NAA16: variants seen among roughly 807,000 people sequenced by gnomAD.
NAA16 encodes the protein NARG1-like protein.
Under a neutral mutation model 110.3 loss-of-function variants are expected in NAA16, and 97 were observed. The ratio of observed to expected loss-of-function variants is 0.88; its 90% CI spans 0.75 to 1.04. The LOEUF (loss-of-function observed/expected upper bound fraction) is 1.04. NAA16 is among the 50% of genes least tolerant of loss of function. NAA16 has a pLI of 0.00. For synonymous variants in NAA16, 372 were observed against 330.6 expected, an observed-to-expected ratio of 1.13 and a Z score of -1.36; for missense variants, 1,017 against 1,005.1, an observed-to-expected ratio of 1.01 and a Z score of -0.16.
rs1366740160 is a variant in NAA16 at position 41,367,637 on chromosome 13, C to G, written c.1738C>G (p.Gln580Glu). 2 of 1,603,778 alleles carry G rather than the reference C, an allele frequency of 1.2e-6. No individual in the cohort carries two copies. Among genetic ancestry groups the G allele is most frequent in the Admixed American group, 1.7e-5 (1 of 59,044 alleles). ...DNPLTNESKQ[Q>E]EINSENLSAK... ...TCCCTTAACCAATGAAAGCAAACAA[C>G]AAGAAATAAACTCAGGTAACTGAAT... The change falls in exon 14 of 20, where the codon CAA (glutamine) becomes GAA (glutamate). Residue 580 changes from glutamine (Q) to glutamate (E), a missense_variant. Gln to Glu is a conservative substitution (Grantham distance 29). Coordinates refer to ENST00000379406, the MANE Select transcript of NAA16 (RefSeq NM_024561.5).
chr13:41,321,896 A>C (rs2041956849), intron 4 of NAA16, among the ~76,000 whole-genome samples: 1 of 152,188 alleles, frequency 6.6e-6, no homozygotes, highest in Non-Finnish European at 1.5e-5. Context: ...AGATTTTTGC[A>C]GCCACTTTAA....
At position 41,355,229 on chromosome 13, in the gene NAA16, T is replaced by G. The variant is rs781521502; in HGVS notation, c.1087+13T>G. ...TTTAGCCCATATGGTAAGTTTAAAT[T>G]AGATTGAATTGGAATTTGATTACTC... is the stretch of plus-strand genomic sequence containing the variant. On this transcript the variant is annotated intron_variant, in intron 10 of 19. Transcript: ENST00000379406. The G allele has an allele frequency of 1.4e-6, 2 of 1,475,142 alleles. No individual in the cohort carries two copies. The highest frequency in any genetic ancestry group is 4.1e-5 in the Admixed American group (2 of 49,366). 91.4% of individuals were successfully genotyped at this position (1,475,142 alleles called of 1,614,324 possible).
chr13:41,361,854 A>C (rs2139501968), intron 12 of NAA16, among the ~76,000 whole-genome samples, 177 bp from the exon 13 acceptor site: 1 of 152,368 alleles, frequency 6.6e-6, no homozygotes, highest in Middle Eastern at 3.4e-3. Flanking sequence ...ATGGAAGGTG[A>C]AACCTTGGAT....
intron 4 of NAA16, among the ~76,000 whole-genome samples, chr13:41,321,751 A>G (rs1293252379): frequency 9.2e-6 from 1 of 108,456 alleles, no homozygotes; most frequent in Non-Finnish European, 1.8e-5. Context: ...TAGAATCAGT[A>G]TGTCCAACAT....
Position 41,375,707 on chromosome 13 carries a change from G to A in NAA16, c.*105G>A. The A allele has an allele frequency of 2.3e-6, 2 of 864,838 alleles. No homozygotes were observed. Among genetic ancestry groups the A allele is most frequent in the Non-Finnish European group, 3.4e-6 (2 of 580,992 alleles). 53.6% of individuals were successfully genotyped at this position (864,838 alleles called of 1,614,324 possible). A position where few individuals can be genotyped will look rare whatever the true frequency, so the allele number is the denominator to read the frequency against. ...ACGTATGAAATGAAATATTTGGTTA[G>A]GATTTTTAAATGGCATATTCTGTAA... On this transcript the variant is annotated 3_prime_UTR_variant, in exon 20 of 20. Coordinates refer to ENST00000379406, the MANE Select transcript of NAA16 (RefSeq NM_024561.5).
intron 4 of NAA16, among the ~76,000 whole-genome samples, chr13:41,322,521 C>T (rs1423418324): frequency 6.6e-6 from 1 of 151,882 alleles, no homozygotes; most frequent in South Asian, 2.1e-4. Context: ...CCCAGGGTAA[C>T]GCCAAGAGTT....
intron 1 of NAA16, among the ~76,000 whole-genome samples, chr13:41,313,954 T>G (rs2041736834): frequency 6.6e-6 from 1 of 151,992 alleles, no homozygotes; most frequent in African/African-American, 2.4e-5. Flanking sequence ...CCTCCCAGAT[T>G]CAAGCGATTC....
At chr13:41,363,409 G>C (rs7991525) in intron 13 of NAA16, among the ~76,000 whole-genome samples, 11,334 of 152,178 alleles carry the variant, frequency 0.074, 1,400 homozygotes, top group African/African-American at 0.26. Context: ...CAAATTTTCT[G>C]TTTAAATGAA....
intron 10 of NAA16, among the ~76,000 whole-genome samples, chr13:41,355,637 C>T (rs1031304869): frequency 6.6e-6 from 1 of 152,088 alleles, no homozygotes; most frequent in East Asian, 1.9e-4. Context: ...ACCATGTTGG[C>T]CAGGCTGGTC....
intron 9 of NAA16, among the ~76,000 whole-genome samples, chr13:41,344,428 A>C (rs1328567349): frequency 6.6e-6 from 1 of 152,168 alleles, no homozygotes; most frequent in Non-Finnish European, 1.5e-5. Context: ...CTTCTTAATG[A>C]GGGTGTTGGG....
intron 1 of NAA16, among the ~76,000 whole-genome samples, chr13:41,312,517 G>T (rs904415962): frequency 1.8e-4 from 28 of 152,020 alleles, no homozygotes; most frequent in African/African-American, 5.8e-4. Context: ...AACTAATATT[G>T]TTAGTAGGTA....
At chr13:41,340,680 T>G (rs1443729101) in intron 9 of NAA16, among the ~76,000 whole-genome samples, 3 of 26,162 alleles carry the variant, frequency 1.1e-4, no homozygotes, top group African/African-American at 4.8e-4. Flanking sequence ...TTTTTTTTTT[T>G]TTTTTTTTTT....
intron 1 of NAA16, among the ~76,000 whole-genome samples, chr13:41,314,074 A>G (rs2041742991): frequency 6.6e-6 from 1 of 152,132 alleles, no homozygotes; most frequent in African/African-American, 2.4e-5. Flanking sequence ...TCTGGCACTT[A>G]ATAGTTATAT....
intron 9 of NAA16, among the ~76,000 whole-genome samples, chr13:41,345,268 C>A (rs1000075493): frequency 5.9e-5 from 9 of 152,142 alleles, no homozygotes; most frequent in Admixed American, 2.0e-4. Flanking sequence ...CTGTCAGACT[C>A]TTTTTCCAAA....
Position 41,316,412 on chromosome 13 carries a change from T to G in NAA16, c.55-434T>G, listed in dbSNP as rs994612172. On this transcript the variant is annotated intron_variant, in intron 1 of 19. Transcript: ENST00000379406. The stretch of plus-strand genomic sequence containing the variant: ...ACCTCTGCCTCCTGCGTTCAAGCGA[T>G]TCTCCTGCCTAAGCCTCCTGAGTAG... Among the ~76,000 whole-genome samples, 7 of 151,926 alleles carry G rather than the reference T, an allele frequency of 4.6e-5. No individual in the cohort carries two copies. The East Asian group carries it at 1.4e-3, about 30-fold the overall frequency.
chr13:41,360,450 C>T (rs946762314), intron 12 of NAA16, among the ~76,000 whole-genome samples: 3 of 152,034 alleles, frequency 2.0e-5, no homozygotes, highest in African/African-American at 7.2e-5. Context: ...TTTTAAGAAA[C>T]AGAAAGCCCA....
intron 7 of NAA16, among the ~76,000 whole-genome samples, chr13:41,329,901 C>T (rs940776099): frequency 6.6e-6 from 1 of 151,878 alleles, no homozygotes; most frequent in African/African-American, 2.4e-5. Context: ...GTATTGATTA[C>T]AAAACTAATT....
intron 6 of NAA16, chr13:41,327,973 A>G (rs2042137384): frequency 6.6e-6 from 1 of 152,122 alleles, no homozygotes; most frequent in Non-Finnish European, 1.5e-5. Flanking sequence ...CAGAAATAGT[A>G]TGACTTGAAG....
At position 41,358,446 on chromosome 13, in the gene NAA16, AT is replaced by A. The variant is rs940955067; in HGVS notation, c.1232del (p.Phe411SerfsTer3). The A allele has an allele frequency of 2.5e-6, 4 of 1,613,294 alleles. No homozygotes were observed. The Admixed American group carries it at 5.0e-5, about 20-fold the overall frequency. On this transcript the variant is annotated frameshift_variant, in exon 11 of 20. Transcript: ENST00000379406. LOFTEE classifies it high-confidence loss of function. ...IASTPTLIEL[F>X]YMKAKIYKHI... ...CTAGTACTCCAACTCTAATAGAATT[AT>A]TCTATATGAAAGCAAAAATTTACAA...
Sources: allele counts gnomAD v4.1 joint callset (sites outside exome capture counted in the v4.1 genomes callset), GRCh38; gene constraint gnomAD v4.1.1; transcripts MANE v1.5; gene names NCBI Gene and HGNC (gene_info 2026-07-23, HGNC 2026-07-21).